DLG5: variants seen among roughly 807,000 people sequenced by gnomAD.
The protein encoded by DLG5 is disks large homolog 5.
In DLG5, 48 loss-of-function variants were observed where a neutral mutation model predicts 189.8. The ratio of observed to expected loss-of-function variants is 0.25; its 90% CI spans 0.20 to 0.32. The LOEUF (loss-of-function observed/expected upper bound fraction) is 0.32. DLG5 is among the 10% of genes least tolerant of loss of function. The pLI is 1.00. For missense variants in DLG5, 2,160 were observed against 2,544.7 expected, an observed-to-expected ratio of 0.85 and a Z score of 3.25; for synonymous variants, 1,016 against 1,054.1, an observed-to-expected ratio of 0.96 and a Z score of 0.70.
chr10:77,812,468 G>A (rs927436754), intron 20 of DLG5, 91 bp from the exon 21 acceptor site: 17 of 1,443,524 alleles, frequency 1.2e-5, no homozygotes, highest in Non-Finnish European at 1.5e-5. Flanking sequence ...TGATCTGACA[G>A]TGCAGAAAGG....
intron 1 of DLG5, among the ~76,000 whole-genome samples, chr10:77,885,090 T>C (rs1845399381): frequency 6.6e-6 from 1 of 152,070 alleles, no homozygotes; most frequent in Non-Finnish European, 1.5e-5. Flanking sequence ...CCCCCACAAA[T>C]AAAGATAAAA....
At chr10:77,829,218 A>G in intron 12 of DLG5, 137 bp downstream of exon 12, 1 of 1,280,390 alleles carries the variant, frequency 7.8e-7, no homozygotes, top group Admixed American at 2.1e-5. Context: ...TTGCCAGAAA[A>G]GCACATGGGC....
rs372580241 is a variant in DLG5 at position 77,821,149 on chromosome 10, C to A, written c.3335G>T (p.Arg1112Leu). 2 of 1,613,988 alleles carry A rather than the reference C, an allele frequency of 1.2e-6. No individual in the cohort carries two copies. Among genetic ancestry groups the A allele is most frequent in the East Asian group, 4.5e-5 (2 of 44,890 alleles). ...KVDELGQKRRRPKSAPSFRPK... is the reference protein window; with the variant it reads ...KVDELGQKRRLPKSAPSFRPK... ...CCGAAAACTGGGAGCAGATTTTGGC[C>A]GGCGACGCTTCTGCCCCAGCTCATC... The change falls in exon 15 of 32, where the codon CGG (arginine) becomes CTG (leucine). Residue 1112 changes from arginine (R) to leucine (L), a missense_variant. Transcript: ENST00000372391.
chr10:77,806,950 A>G (rs1568124228), intron 25 of DLG5, 22 bp from the exon 26 acceptor site: 2 of 1,597,532 alleles, frequency 1.3e-6, no homozygotes, highest in Non-Finnish European at 1.7e-6. Context: ...CACAGAAGGA[A>G]CACGATCAGG....
intron 1 of DLG5, among the ~76,000 whole-genome samples, chr10:77,874,189 A>G (rs1252872388): frequency 6.6e-6 from 1 of 152,292 alleles, no homozygotes; most frequent in African/African-American, 2.4e-5. Context: ...AGTAGCCTTC[A>G]GAAGAAGGCC....
chr10:77,930,005 C>T (rs142413091), upstream of DLG5, among the ~76,000 whole-genome samples: 378 of 152,246 alleles, frequency 2.5e-3, 10 homozygotes, highest in Admixed American at 0.023. Flanking sequence ...GTAGATTTAC[C>T]CACCTTTCCT....
chr10:77,899,660 C>G (rs900613462), intron 1 of DLG5, among the ~76,000 whole-genome samples: 45 of 152,304 alleles, frequency 3.0e-4, no homozygotes, highest in African/African-American at 9.9e-4. Context: ...TTTCTCATGA[C>G]CAGACTTGTG....
At chr10:77,873,273 G>T (rs1365668820) in intron 1 of DLG5, among the ~76,000 whole-genome samples, 3 of 152,136 alleles carry the variant, frequency 2.0e-5, no homozygotes, top group Admixed American at 1.3e-4. Context: ...AGCAGATGAG[G>T]GTGGGGTTTC....
chr10:77,805,258 C>A (rs1841410168), intron 27 of DLG5, among the ~76,000 whole-genome samples: 1 of 152,238 alleles, frequency 6.6e-6, no homozygotes, highest in Admixed American at 6.5e-5. Flanking sequence ...GTGTGAGCCA[C>A]TGTGCCTGGC....
Position 77,854,327 on chromosome 10 carries a change from G to C in DLG5, c.580C>G (p.Gln194Glu), listed in dbSNP as rs142666501. ...AGGTCCGACATGGCTCGCACGCACTGGATCTTCAGCCTCTCATAGTCAGGA... is the reference window on the plus strand; with the variant it reads ...AGGTCCGACATGGCTCGCACGCACTCGATCTTCAGCCTCTCATAGTCAGGA... Reference protein sequence around the residue: ...LNPDYERLKIQCVRAMSDLQS... With the variant: ...LNPDYERLKIECVRAMSDLQS... Residue 194 changes from glutamine (Q) to glutamate (E), a missense_variant, in exon 4 of 32, where the codon CAG (glutamine) becomes GAG (glutamate). Around this residue, in one of 5 missense-constraint regions of DLG5, gnomAD observed 664 missense variants for 838.5 expected, o/e 0.79. Transcript: ENST00000372391. 1 of 1,614,000 alleles carries C rather than the reference G, an allele frequency of 6.2e-7. No homozygotes were observed. Among genetic ancestry groups the C allele is most frequent in the Non-Finnish European group, 8.5e-7 (1 of 1,180,046 alleles).
chr10:77,896,694 T>A (rs1347679972), intron 1 of DLG5, among the ~76,000 whole-genome samples: 3 of 151,602 alleles, frequency 2.0e-5, no homozygotes, highest in East Asian at 1.9e-4. Flanking sequence ...TACAAAAAAA[T>A]TTGCCGGGCA....
chr10:77,883,654 T>C (rs1845348984), intron 1 of DLG5, among the ~76,000 whole-genome samples: 1 of 150,976 alleles, frequency 6.6e-6, no homozygotes, highest in South Asian at 2.1e-4. Flanking sequence ...GCTGGATCTA[T>C]GGACCCCCTA....
intron 2 of DLG5, among the ~76,000 whole-genome samples, chr10:77,864,347 C>T (rs1032312754): frequency 1.3e-5 from 2 of 152,184 alleles, no homozygotes; most frequent in South Asian, 2.1e-4. Flanking sequence ...CCTGGCTGCC[C>T]GGGAGAGGCA....
At chr10:77,921,336 C>T (rs1846528103) in intron 1 of DLG5, among the ~76,000 whole-genome samples, 1 of 152,180 alleles carries the variant, frequency 6.6e-6, no homozygotes, top group African/African-American at 2.4e-5. Flanking sequence ...GGAGAGAGAA[C>T]AAAAGGCCAG....
rs1312337947 is a variant in DLG5, at chr10:77,843,544, C to T, written c.1027G>A (p.Glu343Lys). The change falls in exon 6 of 32, where the codon GAG becomes AAG. Residue 343 changes from glutamate (E) to lysine (K), a missense_variant. Glu to Lys is a moderately conservative substitution (Grantham distance 56, BLOSUM62 1). This residue lies in a region of DLG5 where 664 missense variants were observed against 838.5 expected (regional missense o/e 0.79). Coordinates refer to ENST00000372391, the MANE Select transcript of DLG5 (RefSeq NM_004747.4). ...ADLSRLEQLG[E>K]ENQRLLKQTE... Reference sequence around the variant, plus strand: ...TGCTTCAGCAACCGCTGGTTCTCCTCCCCCAGCTGCTCCAGGCGGCTCAGG... The same window carrying T: ...TGCTTCAGCAACCGCTGGTTCTCCTTCCCCAGCTGCTCCAGGCGGCTCAGG... 6.2e-7 allele frequency: 1 copy of T among 1,614,182 alleles called. No homozygotes were observed. The highest frequency in any genetic ancestry group is 2.2e-5 in the East Asian group (1 of 44,878).
chr10:77,875,452 C>A (rs908782168), intron 1 of DLG5, among the ~76,000 whole-genome samples: 1 of 151,006 alleles, frequency 6.6e-6, no homozygotes, highest in Admixed American at 6.6e-5. Context: ...CTCCCCACAC[C>A]GAGACAACAC....
At chr10:77,847,185 C>T (rs1014973122) in intron 5 of DLG5, among the ~76,000 whole-genome samples, 2 of 152,048 alleles carry the variant, frequency 1.3e-5, no homozygotes, top group Non-Finnish European at 2.9e-5. Flanking sequence ...TTCAGCTGCT[C>T]CCCCCAGCCT....
At chr10:77,939,635 T>TG in the DLG5 span, among the ~76,000 whole-genome samples, 2 of 152,112 alleles carry the variant, frequency 1.3e-5, no homozygotes, top group Admixed American at 6.5e-5. Context: ...TCCCCACAGG[T>TG]GGGGGCAAGG....
intron 30 of DLG5, 73 bp downstream of exon 30, chr10:77,794,776 C>G: frequency 1.6e-6 from 2 of 1,220,406 alleles, no homozygotes; most frequent in Non-Finnish European, 1.2e-6. Context: ...CCCAACACAC[C>G]CTGCTCCCTA....
Sources: gnomAD v4.1 joint callset for allele counts (sites outside exome capture counted in the v4.1 genomes callset) on GRCh38, gnomAD v4.1.1 for gene constraint, gnomAD v4.1.1 regional missense constraint, MANE v1.5 for transcripts, NCBI Gene and HGNC (gene_info 2026-07-23, HGNC 2026-07-21) for gene names.